Variants in FNBP1L observed in about 807,000 individuals in gnomAD.
FNBP1L encodes the protein formin binding protein 1 like, also known as formin-binding protein 1-like.
FNBP1L carries 36 observed loss-of-function variants against 91.2 expected under a neutral mutation model. The ratio of observed to expected loss-of-function variants is 0.39; its 90% CI spans 0.30 to 0.52. The LOEUF is 0.52. Ranked by LOEUF, FNBP1L falls within the 20% of genes least tolerant of loss-of-function variation. The pLI, the probability that FNBP1L is intolerant of heterozygous loss-of-function variation, is 0.66. For synonymous variants in FNBP1L, 242 were observed against 237.0 expected (o/e 1.02, Z -0.19); for missense variants, 571 against 732.1 (o/e 0.78, Z 2.54).
chr1:93,498,810 A>C (rs1219543998), intron 1 of FNBP1L, among the ~76,000 whole-genome samples: 1 of 152,182 alleles, frequency 6.6e-6, no homozygotes, highest in African/African-American at 2.4e-5. Context: ...GAACATGTTT[A>C]ATAACATCAC....
chr1:93,459,622 G>A (rs907099639), intron 1 of FNBP1L, among the ~76,000 whole-genome samples: 1 of 152,126 alleles, frequency 6.6e-6, no homozygotes, highest in African/African-American at 2.4e-5. Flanking sequence ...CATTGTTGAT[G>A]GGAATGTAAA....
chr1:93,470,199 CAT>C (rs1473932418), intron 1 of FNBP1L, among the ~76,000 whole-genome samples: 2 of 152,034 alleles, frequency 1.3e-5, no homozygotes, highest in Non-Finnish European at 2.9e-5. Flanking sequence ...GTGATGCTGT[CAT>C]AGCACAGTAA....
chr1:93,501,230 G>C (rs540132341), intron 2 of FNBP1L, among the ~76,000 whole-genome samples: 1 of 152,174 alleles, frequency 6.6e-6, no homozygotes, highest in African/African-American at 2.4e-5. Context: ...AAACAATAAA[G>C]GAAAAGGTTT....
At chr1:93,506,367 G>C (rs1490791632) in intron 2 of FNBP1L, among the ~76,000 whole-genome samples, 1 of 152,050 alleles carries the variant, frequency 6.6e-6, no homozygotes, top group Non-Finnish European at 1.5e-5. Context: ...TAGAGATTCA[G>C]CTCCCATACT....
intron 7 of FNBP1L, 43 bp from the exon 8 acceptor site, chr1:93,532,879 A>T: frequency 6.7e-7 from 1 of 1,500,220 alleles, no homozygotes; most frequent in African/African-American, 1.4e-5. Context: ...AGAATGATTG[A>T]AAAATTCAGT....
intron 5 of FNBP1L, among the ~76,000 whole-genome samples, chr1:93,526,014 A>C (rs1480581829): frequency 6.6e-6 from 1 of 152,154 alleles, no homozygotes; most frequent in Admixed American, 6.6e-5. Flanking sequence ...AATAATTGCG[A>C]GGTGATGTAA....
At chr1:93,518,292 C>T (rs529940999) in intron 2 of FNBP1L, among the ~76,000 whole-genome samples, 5 of 152,220 alleles carry the variant, frequency 3.3e-5, no homozygotes, top group Admixed American at 2.6e-4. Context: ...AGGGCATTTT[C>T]GTACATCTCT....
chr1:93,546,663 C>T (rs1672249667), intron 12 of FNBP1L, among the ~76,000 whole-genome samples, 179 bp from the exon 13 acceptor site: 1 of 152,088 alleles, frequency 6.6e-6, no homozygotes, highest in South Asian at 2.1e-4. Flanking sequence ...AAATTAGTAA[C>T]TCTATATGTT....
At chr1:93,533,278 A>G (rs1671744790) in intron 8 of FNBP1L, among the ~76,000 whole-genome samples, 2 of 151,658 alleles carry the variant, frequency 1.3e-5, no homozygotes, top group African/African-American at 4.9e-5. Context: ...AAAAAAAAAG[A>G]TTTCTAACTC....
chr1:93,514,157 C>A lies in FNBP1L; in HGVS notation c.141-7925C>A, dbSNP rs557356694. 8.5e-5 allele frequency among the ~76,000 whole-genome samples: 13 copies of A among 152,236 alleles called. No homozygotes were observed. The East Asian group carries it at 2.5e-3, about 29-fold the overall frequency. On this transcript the variant is annotated intron_variant, in intron 2 of 16. Coordinates refer to ENST00000271234, the MANE Select transcript of FNBP1L (RefSeq NM_001164473.3). ...AGAGAGCCAAATCATGAGTGAACTC[C>A]CATTCACAATTGCTTCAAAGGGAAT...
intron 1 of FNBP1L, among the ~76,000 whole-genome samples, chr1:93,480,198 T>C (rs1669647393): frequency 6.6e-6 from 1 of 152,214 alleles, no homozygotes; most frequent in Admixed American, 6.5e-5. Context: ...ATGATTTTAC[T>C]GAACCTCAGA....
At chr1:93,501,539 C>T (rs1670439316) in intron 2 of FNBP1L, among the ~76,000 whole-genome samples, 1 of 152,050 alleles carries the variant, frequency 6.6e-6, no homozygotes, top group Admixed American at 6.6e-5. Context: ...AACTCACTAC[C>T]AAAAATGACA....
In FNBP1L at chr1:93,473,355, A is replaced by C. The variant is rs116830516; in HGVS notation, c.24+25050A>C. ...TTCTTTTATTTTTTATTTTACTTTC[A>C]TGCCGGCTCTGCGAGATAAGTAGTG... On this transcript the variant is annotated intron_variant, in intron 1 of 16. Coordinates refer to ENST00000271234, the MANE Select transcript of FNBP1L (RefSeq NM_001164473.3). Among the ~76,000 whole-genome samples the C allele has an allele frequency of 8.7e-3, 1,325 of 152,274 alleles. 17 individuals are homozygous for C. The highest frequency in any genetic ancestry group is 0.03 in the African/African-American group (1,263 of 41,554).
intron 1 of FNBP1L, among the ~76,000 whole-genome samples, chr1:93,470,872 C>T (rs1447908698): frequency 1.3e-5 from 1 of 76,256 alleles, no homozygotes; most frequent in Non-Finnish European, 2.6e-5. Context: ...GACTCCATCT[C>T]AAAAAAAAAA....
intron 1 of FNBP1L, among the ~76,000 whole-genome samples, chr1:93,454,844 CTT>C: frequency 6.6e-6 from 1 of 152,226 alleles, no homozygotes; most frequent in South Asian, 2.1e-4. Flanking sequence ...CTAGAGATGA[CTT>C]AAAATATATG....
chr1:93,547,902 A>T (rs1239181562), intron 14 of FNBP1L, among the ~76,000 whole-genome samples: 1 of 152,144 alleles, frequency 6.6e-6, no homozygotes, highest in African/African-American at 2.4e-5. Flanking sequence ...TTGATGTATT[A>T]TATCTTTTTT....
intron 2 of FNBP1L, among the ~76,000 whole-genome samples, chr1:93,500,966 A>G (rs1255981357): frequency 6.6e-6 from 1 of 152,138 alleles, no homozygotes; most frequent in East Asian, 1.9e-4. Context: ...ATGATGTTTC[A>G]TCTGTCCAAA....
At chr1:93,525,474 C>T (rs2101752984) in intron 5 of FNBP1L, among the ~76,000 whole-genome samples, 1 of 152,202 alleles carries the variant, frequency 6.6e-6, no homozygotes, top group South Asian at 2.1e-4. Flanking sequence ...TTCAGCAAGA[C>T]TTCACCAAGT....
Position 93,534,704 on chromosome 1 carries a change from G to A in FNBP1L, c.787-1G>A. 6.4e-7 allele frequency: 1 copy of A among 1,559,392 alleles called. No homozygotes were observed. The highest frequency in any genetic ancestry group is 8.7e-7 in the Non-Finnish European group (1 of 1,149,454). On this transcript the variant is annotated splice_acceptor_variant, in intron 8 of 16. Coordinates refer to ENST00000271234, the MANE Select transcript of FNBP1L (RefSeq NM_001164473.3). LOFTEE classifies it high-confidence loss of function. ...TTTAAAACCTAGTTTCTTTTGTATA[G>A]GACTCTCAAATGGTGGTAGACTCCT...
Sources: allele counts gnomAD v4.1 joint callset (sites outside exome capture counted in the v4.1 genomes callset), GRCh38; gene constraint gnomAD v4.1.1; transcripts MANE v1.5; gene names NCBI Gene and HGNC (gene_info 2026-07-23, HGNC 2026-07-21).